RANBP2: variants seen among roughly 807,000 people sequenced by gnomAD.
The protein encoded by RANBP2 is RAN binding protein 2, also known as E3 SUMO-protein ligase RanBP2.
Under a neutral mutation model 303.6 loss-of-function variants are expected in RANBP2, and 57 were observed. The ratio of observed to expected loss-of-function variants is 0.19; its 90% CI spans 0.15 to 0.23. The LOEUF (loss-of-function observed/expected upper bound fraction) is 0.23. Among genes scored for constraint, RANBP2 ranks in the 10% least tolerant of loss-of-function variants. RANBP2 has a pLI of 1.00. For missense variants in RANBP2, 3,138 were observed against 3,780.8 expected (o/e 0.83, Z 4.46); for synonymous variants, 1,167 against 1,301.5 (o/e 0.90, Z 2.23).
chr2:109,492,548 T>C, the RANBP2 span, among the ~76,000 whole-genome samples: 1 of 152,180 alleles, frequency 6.6e-6, no homozygotes, highest in Non-Finnish European at 1.5e-5. Flanking sequence ...CTGCCTTCTA[T>C]GTTTCCCCAA....
chr2:109,621,923 A>AAATAAATAAATG, the RANBP2 span, among the ~76,000 whole-genome samples: 3 of 151,250 alleles, frequency 2.0e-5, no homozygotes, highest in African/African-American at 7.3e-5. Context: ...AAAAATAAAT[A>AAATAAATAAATG]AATAAATAAA....
the RANBP2 span, among the ~76,000 whole-genome samples, chr2:109,212,768 C>G: frequency 3.0e-4 from 45 of 152,308 alleles, no homozygotes; most frequent in Admixed American, 8.5e-4. Context: ...CTCCCCCACC[C>G]GTCAGTTCCC....
At chr2:109,540,981 TTACTGA>T in the RANBP2 span, among the ~76,000 whole-genome samples, 1 of 152,354 alleles carries the variant, frequency 6.6e-6, no homozygotes, top group East Asian at 1.9e-4. Flanking sequence ...ATCCAAGTAC[TTACTGA>T]TACATTTGGG....
the RANBP2 span, among the ~76,000 whole-genome samples, chr2:109,679,453 G>T: frequency 6.6e-6 from 1 of 152,184 alleles, no homozygotes; most frequent in Non-Finnish European, 1.5e-5. Flanking sequence ...ATATGGCATT[G>T]TCTATGAAAG....
At chr2:109,485,173 G>A in the RANBP2 span, among the ~76,000 whole-genome samples, 2 of 152,218 alleles carry the variant, frequency 1.3e-5, no homozygotes, top group African/African-American at 2.4e-5. Context: ...CCCAACCAAT[G>A]CAAACTGATC....
At chr2:108,943,171 G>T in the RANBP2 span, among the ~76,000 whole-genome samples, 2 of 152,132 alleles carry the variant, frequency 1.3e-5, no homozygotes, top group African/African-American at 2.4e-5. Flanking sequence ...GTTTGAAAGA[G>T]AATTCGTTTC....
chr2:109,353,209 G>A, the RANBP2 span, among the ~76,000 whole-genome samples: 40 of 152,320 alleles, frequency 2.6e-4, no homozygotes, highest in Admixed American at 5.9e-4. Context: ...TCTGGCCCCC[G>A]GCTCATTGCC....
At chr2:109,247,837 G>A in the RANBP2 span, among the ~76,000 whole-genome samples, 1 of 152,218 alleles carries the variant, frequency 6.6e-6, no homozygotes, top group Non-Finnish European at 1.5e-5. Flanking sequence ...AGGATGGCCT[G>A]GGTTCCTCTC....
the RANBP2 span, among the ~76,000 whole-genome samples, chr2:109,473,352 G>A: frequency 6.6e-6 from 1 of 152,212 alleles, no homozygotes; most frequent in Non-Finnish European, 1.5e-5. Flanking sequence ...CCAAGCACAA[G>A]TTGACATCGT....
chr2:108,774,411 T>G (rs1217773049), intron 23 of RANBP2, among the ~76,000 whole-genome samples: 1 of 152,126 alleles, frequency 6.6e-6, no homozygotes, highest in Non-Finnish European at 1.5e-5. Flanking sequence ...CAGTGCGCTA[T>G]GATTGTGCCT....
At chr2:108,789,976 A>G (rs1679632885), downstream of RANBP2, among the ~76,000 whole-genome samples, 1 of 152,146 alleles carries the variant, frequency 6.6e-6, no homozygotes, top group South Asian at 2.1e-4. Flanking sequence ...TGTTGAAATA[A>G]TTGTGGAGAG....
At chr2:109,339,343 G>A in the RANBP2 span, among the ~76,000 whole-genome samples, 3 of 152,102 alleles carry the variant, frequency 2.0e-5, no homozygotes, top group African/African-American at 7.2e-5. Context: ...AAGATGATGT[G>A]GTGGTTGGTT....
chr2:108,922,786 C>T, the RANBP2 span, among the ~76,000 whole-genome samples: 1 of 152,282 alleles, frequency 6.6e-6, no homozygotes, highest in African/African-American at 2.4e-5. Context: ...TAAGAGTCTA[C>T]ACAGCACATT....
At chr2:108,967,943 G>T in the RANBP2 span, among the ~76,000 whole-genome samples, 1 of 152,170 alleles carries the variant, frequency 6.6e-6, no homozygotes, top group Non-Finnish European at 1.5e-5. Context: ...TGCGGAGCTG[G>T]AGGGCCCCAG....
chr2:109,408,652 C>G, the RANBP2 span, among the ~76,000 whole-genome samples: 1 of 152,242 alleles, frequency 6.6e-6, no homozygotes, highest in East Asian at 1.9e-4. Context: ...CACTGGCACT[C>G]TCAGACAGAA....
the RANBP2 span, among the ~76,000 whole-genome samples, chr2:109,099,429 C>G: frequency 6.6e-6 from 1 of 152,152 alleles, no homozygotes; most frequent in Non-Finnish European, 1.5e-5. Context: ...TGTAAATCAA[C>G]AGTGGAGCAA....
At chr2:108,829,730 A>G in the RANBP2 span, among the ~76,000 whole-genome samples, 1 of 152,212 alleles carries the variant, frequency 6.6e-6, no homozygotes. Flanking sequence ...TGGGAGACAA[A>G]TTGAGACTGT....
At chr2:109,079,935 C>T in the RANBP2 span, among the ~76,000 whole-genome samples, 2 of 152,196 alleles carry the variant, frequency 1.3e-5, no homozygotes, top group Non-Finnish European at 2.9e-5. Flanking sequence ...GGGTGTGAGT[C>T]ACCAAGGACC....
At chr2:109,721,452 C>T in the RANBP2 span, among the ~76,000 whole-genome samples, 208 of 152,228 alleles carry the variant, frequency 1.4e-3, no homozygotes, top group African/African-American at 4.7e-3. Context: ...GGGATGCCTC[C>T]GCAGGCAGGT....
Sources: gnomAD v4.1 joint callset for allele counts (sites outside exome capture counted in the v4.1 genomes callset) on GRCh38, gnomAD v4.1.1 for gene constraint, MANE v1.5 for transcripts, NCBI Gene and HGNC (gene_info 2026-07-23, HGNC 2026-07-21) for gene names.